Variants in TBC1D1 observed in about 807,000 individuals in gnomAD.
TBC1D1 encodes the protein TBC1 domain family member 1.
Under a neutral mutation model 125.6 loss-of-function variants are expected in TBC1D1, and 89 were observed. The observed-to-expected ratio is 0.71, with a 90% CI of 0.60 to 0.85. The LOEUF (loss-of-function observed/expected upper bound fraction) is 0.85, where lower values mean the gene tolerates loss of function less well. Among genes scored for constraint, TBC1D1 ranks in the 40% least tolerant of loss-of-function variants. TBC1D1 has a pLI of 0.00. For synonymous variants in TBC1D1, 565 were observed against 564.1 expected (o/e 1.00, Z -0.02); for missense variants, 1,377 against 1,469.2 (o/e 0.94, Z 1.03).
chr4:37,898,917 A>G (rs1024681397), intron 1 of TBC1D1, among the ~76,000 whole-genome samples: 2 of 152,172 alleles, frequency 1.3e-5, no homozygotes, highest in African/African-American at 4.8e-5. Context: ...AGAGCCTTTA[A>G]AAGGTGCACC....
intron 7 of TBC1D1, chr4:38,030,252 G>A (rs375756020): frequency 7.2e-5 from 11 of 152,364 alleles, no homozygotes; most frequent in East Asian, 3.9e-4. Context: ...ACTCATGCAG[G>A]CTTTTAGACA....
chr4:37,953,764 T>C (rs374260606), intron 2 of TBC1D1, among the ~76,000 whole-genome samples: 16 of 152,272 alleles, frequency 1.1e-4, no homozygotes, highest in African/African-American at 3.9e-4. Flanking sequence ...TTGAGAAGAT[T>C]GGATGGTTAC....
intron 7 of TBC1D1, among the ~76,000 whole-genome samples, chr4:38,028,232 C>T (rs897103134): frequency 6.6e-6 from 1 of 152,146 alleles, no homozygotes; most frequent in Non-Finnish European, 1.5e-5. Flanking sequence ...GTGGCATGAT[C>T]TGGGCTCCCT....
intron 2 of TBC1D1, among the ~76,000 whole-genome samples, chr4:37,938,221 A>C (rs1194563529): frequency 6.6e-6 from 1 of 152,212 alleles, no homozygotes; most frequent in East Asian, 1.9e-4. Flanking sequence ...TGTCTAAAAA[A>C]AAATTATATG....
At chr4:38,059,131 T>C (rs1006576147) in intron 12 of TBC1D1, among the ~76,000 whole-genome samples, 1 of 152,182 alleles carries the variant, frequency 6.6e-6, no homozygotes, top group Non-Finnish European at 1.5e-5. Context: ...CTGAGGTAGG[T>C]AGGAAGTTAA....
At chr4:38,099,923 T>C (rs1760016586) in intron 14 of TBC1D1, among the ~76,000 whole-genome samples, 1 of 152,180 alleles carries the variant, frequency 6.6e-6, no homozygotes, top group Admixed American at 6.5e-5. Flanking sequence ...TTTCAAAAAA[T>C]AAAGGTCTGA....
At chr4:38,004,388 C>T (rs1024028394) in intron 2 of TBC1D1, among the ~76,000 whole-genome samples, 2 of 152,206 alleles carry the variant, frequency 1.3e-5, no homozygotes, top group Non-Finnish European at 2.9e-5. Flanking sequence ...CACTGAAATG[C>T]AATTAGCAGT....
At chr4:38,049,950 A>G in intron 11 of TBC1D1, 52 bp downstream of exon 11, 2 of 1,552,290 alleles carry the variant, frequency 1.3e-6, no homozygotes, top group Non-Finnish European at 1.8e-6. Flanking sequence ...ATCTGTGACT[A>G]GCCAGGTATG....
chr4:38,005,589 G>C (rs541027782), intron 2 of TBC1D1, among the ~76,000 whole-genome samples: 1 of 152,326 alleles, frequency 6.6e-6, no homozygotes, highest in South Asian at 2.1e-4. Context: ...CTTCTGGCCT[G>C]AGCCCCGTAC....
Position 38,137,165 on chromosome 4 carries a change from G to A in TBC1D1, c.3337G>A (p.Ala1113Thr), listed in dbSNP as rs748986094. 1.9e-6 allele frequency: 3 copies of A among 1,613,336 alleles called. No homozygotes were observed. Among genetic ancestry groups the A allele is most frequent in the African/African-American group, 2.7e-5 (2 of 74,864 alleles). ...AAATGGTAGGATCCAAAGCCTTGAG[G>A]CCACCATTGAGAAGCTCCTGAGCAG... The change falls in exon 20 of 20, where the codon GCC becomes ACC. Residue 1113 changes from alanine to threonine, a missense_variant. Physicochemically the swap from Ala to Thr is moderately conservative, Grantham distance 58. Coordinates refer to ENST00000261439, the MANE Select transcript of TBC1D1 (RefSeq NM_015173.4).
intron 2 of TBC1D1, among the ~76,000 whole-genome samples, chr4:37,961,986 G>T (rs1260421652): frequency 6.6e-6 from 1 of 152,184 alleles, no homozygotes; most frequent in Non-Finnish European, 1.5e-5. Context: ...ACTGGAGAAG[G>T]TTTAAGTTTA....
chr4:38,084,077 A>G (rs974104314), intron 12 of TBC1D1, among the ~76,000 whole-genome samples: 5 of 152,024 alleles, frequency 3.3e-5, no homozygotes, highest in East Asian at 1.9e-4. Flanking sequence ...AGCTGGGACT[A>G]TAGGCGCCTG....
intron 12 of TBC1D1, among the ~76,000 whole-genome samples, chr4:38,083,972 C>G (rs1407484495): frequency 6.9e-6 from 1 of 145,432 alleles, no homozygotes; most frequent in Non-Finnish European, 1.5e-5. Context: ...GAGTCTCGCT[C>G]TGTCGCCCAG....
At chr4:38,132,197 T>TTC (rs1268976644) in intron 18 of TBC1D1, among the ~76,000 whole-genome samples, 1 of 152,256 alleles carries the variant, frequency 6.6e-6, no homozygotes, top group African/African-American at 2.4e-5. Flanking sequence ...TTTTTTTTTT[T>TTC]TTCTTTTAAG....
At chr4:38,044,715 G>T (rs1749066568) in intron 9 of TBC1D1, among the ~76,000 whole-genome samples, 1 of 152,138 alleles carries the variant, frequency 6.6e-6, no homozygotes, top group African/African-American at 2.4e-5. Context: ...TATATCCAAT[G>T]GGATTTTTTT....
chr4:38,104,188 A>G (rs1337364146), intron 15 of TBC1D1, among the ~76,000 whole-genome samples: 2 of 132,656 alleles, frequency 1.5e-5, no homozygotes, highest in East Asian at 4.9e-4. Flanking sequence ...AAAAAAGTGT[A>G]TGGGAGGATG....
At chr4:38,115,098 C>CT (rs56997021) in intron 15 of TBC1D1, among the ~76,000 whole-genome samples, 2,337 of 134,544 alleles carry the variant, frequency 0.017, 76 homozygotes, top group African/African-American at 0.057. Flanking sequence ...TTTCTTTTTT[C>CT]TTTTTTTTTT....
chr4:38,014,727 C>CCGCCCCAACCCGCCCCATGCCG lies in TBC1D1; in HGVS notation c.642_663dup (p.Thr222GlnfsTer33). ...GCGGCAGCCGGGGGTCCGAGAGCCCCCGCCCCAACCCGCCCCATGCCGCGC... is the reference window on the plus strand; with the variant it reads ...GCGGCAGCCGGGGGTCCGAGAGCCCCCGCCCCAACCCGCCCCATGCCGCGCCCCAACCCGCCCCATGCCGCGC... On this transcript the variant is annotated frameshift_variant, in exon 3 of 20. Coordinates refer to ENST00000261439, the MANE Select transcript of TBC1D1 (RefSeq NM_015173.4). LOFTEE classifies it high-confidence loss of function. This position sits in a 1 kb window ranked among gnomAD's most constrained non-coding sequence, Gnocchi z 5.1. The CCGCCCCAACCCGCCCCATGCCG allele has an allele frequency of 6.2e-7, 1 of 1,611,414 alleles. No homozygotes were observed. Among genetic ancestry groups the CCGCCCCAACCCGCCCCATGCCG allele is most frequent in the Non-Finnish European group, 8.5e-7 (1 of 1,179,140 alleles).
chr4:38,103,976 G>A (rs1760817795), intron 15 of TBC1D1, among the ~76,000 whole-genome samples: 1 of 151,694 alleles, frequency 6.6e-6, no homozygotes, highest in Non-Finnish European at 1.5e-5. Context: ...TGGCTGACAC[G>A]GTGAAACCCT....
Sources: gnomAD v4.1 joint callset for allele counts (sites outside exome capture counted in the v4.1 genomes callset) on GRCh38, gnomAD v4.1.1 for gene constraint, Gnocchi (gnomAD v3.1) non-coding constraint, MANE v1.5 for transcripts, NCBI Gene and HGNC (gene_info 2026-07-23, HGNC 2026-07-21) for gene names.